Variants in HMCN2 observed in about 807,000 individuals in gnomAD.
HMCN2 encodes the protein hemicentin-2.
HMCN2 carries 325 observed loss-of-function variants against 377.5 expected under a neutral mutation model. The observed-to-expected ratio is 0.86, with a 90% confidence interval of 0.79 to 0.94. HMCN2 has a LOEUF of 0.94. HMCN2 is among the 40% of genes least tolerant of loss of function. The pLI is 0.00. For missense variants in HMCN2, 4,543 were observed against 4,725.3 expected (o/e 0.96, Z 1.13); for synonymous variants, 2,007 against 2,046.8 (o/e 0.98, Z 0.53).
chr9:130,356,335 C>T (rs746450055), intron 34 of HMCN2, 78 bp downstream of exon 34: 11 of 1,205,354 alleles, frequency 9.1e-6, no homozygotes, highest in African/African-American at 1.6e-5. Flanking sequence ...CTGTGGCAGG[C>T]CTGGAAGGGC....
At chr9:130,403,634 C>A in intron 79 of HMCN2, 107 bp from the exon 80 acceptor site, 1 of 1,142,052 alleles carries the variant, frequency 8.8e-7, no homozygotes, top group Non-Finnish European at 1.1e-6. Flanking sequence ...CATTCTGTGA[C>A]CCCAGCAAGT....
intron 89 of HMCN2, 31 bp from the exon 90 acceptor site, chr9:130,425,656 T>TCCCCC: frequency 4.8e-5 from 16 of 330,004 alleles, no homozygotes; most frequent in South Asian, 2.1e-4. Context: ...CCCCCACCCC[T>TCCCCC]CCTCCTCCTC....
At chr9:130,429,943 G>A (rs1455211838) in intron 94 of HMCN2, 4 of 655,412 alleles carry the variant, frequency 6.1e-6, no homozygotes, top group Non-Finnish European at 9.9e-6. Flanking sequence ...ATCTTCCGGG[G>A]AATTTCAGGA....
rs140942901 is a variant in HMCN2 at position 130,390,803 on chromosome 9, G to T, written c.9524-174G>T. ...AAATCCTGGACACTGAAGGGAGGGG[G>T]TCCCTTGGGAAGAGCTGTCTCAAGT... is the stretch of plus-strand genomic sequence containing the variant. On this transcript the variant is annotated intron_variant, in intron 62 of 97. Coordinates refer to ENST00000683500, the MANE Select transcript of HMCN2 (RefSeq NM_001291815.2). Among the ~76,000 whole-genome samples the T allele has an allele frequency of 3.7e-3, 557 of 152,242 alleles. 4 individuals carry two copies. Among genetic ancestry groups the T allele is most frequent in the African/African-American group, 0.013 (540 of 41,548 alleles).
chr9:130,324,137 A>G (rs1030030915), intron 19 of HMCN2, among the ~76,000 whole-genome samples: 142,649 of 152,276 alleles, frequency 0.94, 67,558 homozygotes, highest in East Asian at 1. Context: ...TCATCATCCT[A>G]AACTGAAACT....
intron 6 of HMCN2, among the ~76,000 whole-genome samples, chr9:130,295,986 C>T (rs7045667): frequency 6.6e-6 from 1 of 152,046 alleles, no homozygotes; most frequent in Non-Finnish European, 1.5e-5. Context: ...TTTGGGGTTA[C>T]TTTGGGAACA....
At chr9:130,381,924 C>G (rs541563606) in intron 54 of HMCN2, among the ~76,000 whole-genome samples, 2 of 152,170 alleles carry the variant, frequency 1.3e-5, no homozygotes, top group Admixed American at 1.3e-4. Context: ...GGAGTGACAA[C>G]AGCGTGTGCC....
intron 62 of HMCN2, among the ~76,000 whole-genome samples, chr9:130,390,680 C>T (rs1842271602): frequency 6.9e-6 from 1 of 145,978 alleles, no homozygotes; most frequent in South Asian, 2.2e-4. Flanking sequence ...AGGGGCAGGG[C>T]ATGGAGGGAG....
chr9:130,334,759 TTCTCTC>T (rs1179524224), intron 22 of HMCN2, among the ~76,000 whole-genome samples: 90 of 136,064 alleles, frequency 6.6e-4, no homozygotes, highest in African/African-American at 1.9e-3. Context: ...TCTCTCTCTC[TTCTCTC>T]TCTCTCTCTC....
chr9:130,407,559 T>A lies in HMCN2; in HGVS notation c.12554-12T>A. On this transcript the variant is annotated splice_polypyrimidine_tract_variant and intron_variant, in intron 82 of 97. Coordinates refer to ENST00000683500, the MANE Select transcript of HMCN2 (RefSeq NM_001291815.2). ...GAGTTCCCTGCACCCGACTTCTCTTTCTCCACCACAGAAGGGGTGTCTGAG... is the reference window on the plus strand; with the variant it reads ...GAGTTCCCTGCACCCGACTTCTCTTACTCCACCACAGAAGGGGTGTCTGAG... 7.8e-7 allele frequency: 1 copy of A among 1,288,992 alleles called. No individual in the cohort carries two copies. The highest frequency in any genetic ancestry group is 1.0e-6 in the Non-Finnish European group (1 of 988,440). 79.8% of individuals were successfully genotyped at this position (1,288,992 alleles called of 1,614,324 possible).
At chr9:130,333,289 C>T (rs1179621723) in intron 22 of HMCN2, among the ~76,000 whole-genome samples, 1 of 152,096 alleles carries the variant, frequency 6.6e-6, no homozygotes, top group Non-Finnish European at 1.5e-5. Flanking sequence ...CAGGGTATTG[C>T]CTGGGGCAGC....
In HMCN2 at chr9:130,388,537, G is replaced by A. The variant is rs1041959953; in HGVS notation, c.9520G>A (p.Val3174Met). 10 of 988,020 alleles carry A rather than the reference G, an allele frequency of 1.0e-5. No homozygotes were observed. Among genetic ancestry groups the A allele is most frequent in the Admixed American group, 6.1e-5 (1 of 16,274 alleles). The allele number at this position is 988,020 out of a possible 1,614,324, so 61.2% of individuals were successfully genotyped here. ...TVTWLKDRMPVESSAVHGVVS... is the reference protein window; with the variant it reads ...TVTWLKDRMPMESSAVHGVVS... ...CACTTGGCTGAAGGACAGGATGCCT[G>A]TGGGTGAGCACATCTGTCCTTGTCT... The change falls in exon 62 of 98, where the codon GTG (valine) becomes ATG (methionine). Residue 3174 changes from valine (V) to methionine (M), a missense_variant. Physicochemically the swap from Val to Met is conservative, Grantham distance 21 (BLOSUM62 1). Coordinates refer to ENST00000683500, the MANE Select transcript of HMCN2 (RefSeq NM_001291815.2).
In HMCN2 at chr9:130,382,722, G is replaced by A. The variant is rs1292868371; in HGVS notation, c.8589G>A (p.Glu2863=). The A allele has an allele frequency of 9.1e-6, 9 of 985,728 alleles. No individual in the cohort carries two copies. Among genetic ancestry groups the A allele is most frequent in the Non-Finnish European group, 1.1e-5 (9 of 829,980 alleles). 61.1% of individuals were successfully genotyped at this position (985,728 alleles called of 1,614,324 possible). A position where few individuals can be genotyped will look rare whatever the true frequency, so the allele number is the denominator to read the frequency against. ...ILGDTEELVE[E]VTVNASSTVS... ...GTGACACAGAGGAGCTGGTGGAAGA[G>A]GTGACAGTCAATGCCAGCAGCACCG... Residue 2863 remains glutamate (E), a synonymous_variant, in exon 56 of 98, where the codon GAG becomes GAA. Transcript: ENST00000683500.
chr9:130,424,885 G>T lies in HMCN2; in HGVS notation c.13491G>T (p.Arg4497=). The T allele has an allele frequency of 6.8e-7, 1 of 1,460,490 alleles. No homozygotes were observed. Among genetic ancestry groups the T allele is most frequent in the Non-Finnish European group, 9.1e-7 (1 of 1,100,870 alleles). The allele number at this position is 1,460,490 out of a possible 1,614,324, so 90.5% of individuals were successfully genotyped here. A position where few individuals can be genotyped will look rare whatever the true frequency, so the allele number is the denominator to read the frequency against. Residue 4497 remains arginine (R), a synonymous_variant, in exon 88 of 98, where the codon CGG becomes CGT. Coordinates refer to ENST00000683500, the MANE Select transcript of HMCN2 (RefSeq NM_001291815.2). ...NGHSLTGGRF[R]QESHVEFATG... ...ACTCTCTGACTGGGGGCAGGTTCCG[G>T]CAGGAGTCACACGTGGAGTTTGCTA...
In HMCN2 at chr9:130,272,168, T is replaced by G. The variant is rs980275810; in HGVS notation, c.259+6031T>G. The stretch of plus-strand genomic sequence containing the variant: ...TCTTTTGCTTTTAGTCTTAACAGAC[T>G]CCATTCATTTCCAAAATTACTTAGG... On this transcript the variant is annotated intron_variant, in intron 1 of 97. Transcript: ENST00000683500. Among the ~76,000 whole-genome samples, 11 of 149,588 alleles carry G rather than the reference T, an allele frequency of 7.4e-5. 2 individuals are homozygous for G. Among genetic ancestry groups the G allele is most frequent in the Non-Finnish European group, 1.5e-4 (10 of 66,536 alleles).
intron 1 of HMCN2, among the ~76,000 whole-genome samples, chr9:130,278,528 C>G (rs889755111): frequency 6.6e-6 from 1 of 152,168 alleles, no homozygotes; most frequent in Non-Finnish European, 1.5e-5. Context: ...AAGTGTTCTT[C>G]CAAAATTCAT....
chr9:130,409,873 C>T (rs1226565417), intron 84 of HMCN2, among the ~76,000 whole-genome samples: 6 of 152,188 alleles, frequency 3.9e-5, no homozygotes, highest in Non-Finnish European at 7.4e-5. Flanking sequence ...TGTGGCCCCC[C>T]AGATACCATC....
At chr9:130,290,752 A>T (rs1184370704) in intron 4 of HMCN2, among the ~76,000 whole-genome samples, 6 of 152,106 alleles carry the variant, frequency 3.9e-5, no homozygotes, top group Non-Finnish European at 8.8e-5. Flanking sequence ...CACAACAATG[A>T]AGTAGCTCCA....
intron 85 of HMCN2, among the ~76,000 whole-genome samples, chr9:130,416,067 T>C (rs569454951): frequency 6.6e-6 from 1 of 151,650 alleles, no homozygotes; most frequent in Non-Finnish European, 1.5e-5. Flanking sequence ...GCCAAAGGCT[T>C]CCACTGTTCT....
Sources: allele counts gnomAD v4.1 joint callset (sites outside exome capture counted in the v4.1 genomes callset), GRCh38; gene constraint gnomAD v4.1.1; transcripts MANE v1.5; gene names NCBI Gene and HGNC (gene_info 2026-07-23, HGNC 2026-07-21).